Variants in CNGB1 observed in about 807,000 individuals in gnomAD.
The protein encoded by CNGB1 is cyclic nucleotide gated channel subunit beta 1, also known as cyclic nucleotide-gated channel beta-1.
Under a neutral mutation model 151.7 loss-of-function variants are expected in CNGB1, and 126 were observed. That is an observed-to-expected ratio of 0.83 (90% CI 0.72 to 0.96). The LOEUF (loss-of-function observed/expected upper bound fraction) is 0.96, where lower values mean the gene tolerates loss of function less well. CNGB1 is among the 40% of genes least tolerant of loss of function. CNGB1 has a pLI of 0.00. For missense variants in CNGB1, 1,698 were observed against 1,627.0 expected (o/e 1.04, Z -0.75); for synonymous variants, 623 against 635.1 (o/e 0.98, Z 0.29).
At chr16:57,902,587 A>C (rs1034333659) in intron 27 of CNGB1, among the ~76,000 whole-genome samples, 3 of 151,416 alleles carry the variant, frequency 2.0e-5, no homozygotes, top group African/African-American at 7.3e-5. Flanking sequence ...GATTACAGGC[A>C]TGAGCCACCG....
intron 23 of CNGB1, among the ~76,000 whole-genome samples, chr16:57,914,473 G>A (rs1051370906): frequency 6.6e-6 from 1 of 152,170 alleles, no homozygotes; most frequent in Admixed American, 6.5e-5. Flanking sequence ...GTTTCTCTGG[G>A]TTGTTCATGT....
At chr16:57,956,966 C>T (rs1962102679) in intron 12 of CNGB1, among the ~76,000 whole-genome samples, 1 of 152,170 alleles carries the variant, frequency 6.6e-6, no homozygotes, top group Admixed American at 6.5e-5. Context: ...AGACCCCACC[C>T]CTCTCCCTTC....
chr16:57,960,649 T>C (rs749940530), intron 8 of CNGB1, 119 bp from the exon 9 acceptor site: 12 of 1,375,812 alleles, frequency 8.7e-6, no homozygotes, highest in Non-Finnish European at 1.2e-5. Flanking sequence ...GGGTGGGGGG[T>C]GTCTCTCCTT....
At chr16:57,898,569 C>T (rs1202886809) in intron 29 of CNGB1, among the ~76,000 whole-genome samples, 4 of 152,124 alleles carry the variant, frequency 2.6e-5, no homozygotes, top group Admixed American at 6.5e-5. Context: ...GCATGTGCCA[C>T]CATGCCCGGC....
At chr16:57,951,243 A>G (rs991035410) in intron 12 of CNGB1, among the ~76,000 whole-genome samples, 6 of 152,184 alleles carry the variant, frequency 3.9e-5, no homozygotes, top group African/African-American at 1.4e-4. Context: ...CAGGAACCTA[A>G]GCCTACCCCC....
chr16:57,899,597 G>A (rs1454749424), intron 29 of CNGB1, among the ~76,000 whole-genome samples: 1 of 152,132 alleles, frequency 6.6e-6, no homozygotes, highest in East Asian at 1.9e-4. Flanking sequence ...CCGAGATAGT[G>A]CCACTGCACT....
chr16:57,963,068 C>T lies in CNGB1; in HGVS notation c.291-4G>A, dbSNP rs746431824. 8.1e-6 allele frequency: 13 copies of T among 1,608,748 alleles called. No homozygotes were observed. The highest frequency in any genetic ancestry group is 3.3e-5 in the Admixed American group (2 of 60,000). On this transcript the variant is annotated splice_polypyrimidine_tract_variant and splice_region_variant and intron_variant, in intron 4 of 32. Transcript: ENST00000251102. ...GGTCAGTACCCTGCGGCTGGGACTG[C>T]GATGGACAGAGACACCAGCCCGCCC...
chr16:57,928,330 A>G (rs889634894), intron 17 of CNGB1, among the ~76,000 whole-genome samples: 1 of 152,244 alleles, frequency 6.6e-6, no homozygotes, highest in Admixed American at 6.5e-5. Flanking sequence ...ACACGTGATC[A>G]TGGTGCCATT....
chr16:57,911,907 G>A (rs746004352), intron 24 of CNGB1, 32 bp from the exon 25 acceptor site: 32 of 1,610,852 alleles, frequency 2.0e-5, no homozygotes, highest in African/African-American at 5.3e-5. Context: ...TGAACACAGC[G>A]GCGGAAGGGG....
At position 57,923,370 on chromosome 16, in the gene CNGB1, G is replaced by A; in HGVS notation, c.1546C>T (p.Pro516Ser). 6.2e-7 allele frequency: 1 copy of A among 1,612,924 alleles called. No homozygotes were observed. Among genetic ancestry groups the A allele is most frequent in the Non-Finnish European group, 8.5e-7 (1 of 1,179,558 alleles). The change falls in exon 18 of 33, where the codon CCC (proline) becomes TCC (serine). Residue 516 changes from proline to serine, a missense_variant. Pro to Ser is a moderately conservative substitution (Grantham distance 74). Coordinates refer to ENST00000251102, the MANE Select transcript of CNGB1 (RefSeq NM_001297.5). ...SASGTHRKKL[P>S]SEDDEAEELK... ...TCTTCAGCCTCATCATCCTCAGAGG[G>A]CAGCTTCTTCCTGCAAAGACACAGA...
Position 57,887,267 on chromosome 16 carries a change from C to T in CNGB1, c.3462+588G>A, listed in dbSNP as rs1200869450. ...GGGGCCGGACATTTGCTTCTCATAC[C>T]CTCTCCTCTAACCTCTGCAACAGTA... On this transcript the variant is annotated intron_variant, in intron 32 of 32. Transcript: ENST00000251102. Among the ~76,000 whole-genome samples the T allele has an allele frequency of 2.6e-5, 4 of 151,954 alleles. No individual in the cohort carries two copies. In the East Asian group the frequency reaches 5.8e-4, roughly 22 times the overall value.
intron 16 of CNGB1, among the ~76,000 whole-genome samples, chr16:57,937,764 AGT>A (rs1961551544): frequency 6.6e-6 from 1 of 152,326 alleles, no homozygotes; most frequent in South Asian, 2.1e-4. Context: ...AACCAGAAGC[AGT>A]AACTCTTCCT....
Position 57,884,147 on chromosome 16 carries a change from AT to A in CNGB1, c.*16del, listed in dbSNP as rs1728176302. On this transcript the variant is annotated 3_prime_UTR_variant, in exon 33 of 33. Transcript: ENST00000251102. ...CACACCTGCTGGAACTGCGCGCGGGATCCGCCTCACCCCACCTTACTCCGCC... is the reference window on the plus strand; with the variant it reads ...CACACCTGCTGGAACTGCGCGCGGGACCGCCTCACCCCACCTTACTCCGCC... 1.2e-6 allele frequency: 2 copies of A among 1,613,828 alleles called. No individual in the cohort carries two copies. Among genetic ancestry groups the A allele is most frequent in the Non-Finnish European group, 1.7e-6 (2 of 1,179,850 alleles).
At chr16:57,923,215 C>G (rs1005804472) in intron 18 of CNGB1, 58 bp downstream of exon 18, 3 of 1,308,174 alleles carry the variant, frequency 2.3e-6, no homozygotes, top group Admixed American at 3.6e-5. Flanking sequence ...CTAGCCCCCC[C>G]ACATCCCCCA....
Position 57,962,596 on chromosome 16 carries a change from G to A in CNGB1, c.427C>T (p.Pro143Ser), listed in dbSNP as rs1313609373. 1 of 1,614,034 alleles carries A rather than the reference G, an allele frequency of 6.2e-7. No individual in the cohort carries two copies. The highest frequency in any genetic ancestry group is 1.1e-5 in the South Asian group (1 of 91,086). The change falls in exon 7 of 33, where the codon CCC becomes TCC. Residue 143 changes from proline to serine, a missense_variant. Physicochemically the swap from Pro to Ser is moderately conservative, Grantham distance 74 (BLOSUM62 -1). Coordinates refer to ENST00000251102, the MANE Select transcript of CNGB1 (RefSeq NM_001297.5). ...TCTTGGGCCTCAAGGGCCTCATTGG[G>A]TTCATCTGTGCACCCTGCAGGGTCA... ...STGDTGCTDEPNEALEAQDTR... is the reference protein window; with the variant it reads ...STGDTGCTDESNEALEAQDTR...
At chr16:57,968,269 G>A (rs548132377) in intron 1 of CNGB1, among the ~76,000 whole-genome samples, 1 of 152,270 alleles carries the variant, frequency 6.6e-6, no homozygotes, top group East Asian at 1.9e-4. Context: ...AGGCTGAGGT[G>A]GGTGGATCAC....
chr16:57,886,421 C>T (rs1285341960), intron 32 of CNGB1, among the ~76,000 whole-genome samples: 1 of 152,230 alleles, frequency 6.6e-6, no homozygotes, highest in Non-Finnish European at 1.5e-5. Context: ...TGAAGACCCC[C>T]ACTTGCCAGC....
Position 57,959,958 on chromosome 16 carries a change from G to A in CNGB1, c.691C>T (p.Pro231Ser). Reference sequence around the variant, plus strand: ...GAGCCGGGCTGGGGCTCTGGAGCTGGTGCCTCCTTGGGTTCCTCCTTGGGC... The same window carrying A: ...GAGCCGGGCTGGGGCTCTGGAGCTGATGCCTCCTTGGGTTCCTCCTTGGGC... ...LQPKEEPKEAPAPEPQPGSQA... is the reference protein window; with the variant it reads ...LQPKEEPKEASAPEPQPGSQA... The change falls in exon 10 of 33, where the codon CCA becomes TCA. Residue 231 changes from proline to serine, a missense_variant. Pro to Ser is a moderately conservative substitution (Grantham distance 74). Coordinates refer to ENST00000251102, the MANE Select transcript of CNGB1 (RefSeq NM_001297.5). The A allele has an allele frequency of 6.3e-7, 1 of 1,589,886 alleles. No homozygotes were observed. The highest frequency in any genetic ancestry group is 8.6e-7 in the Non-Finnish European group (1 of 1,166,876).
intron 2 of CNGB1, among the ~76,000 whole-genome samples, chr16:57,964,821 G>C (rs1401426000): frequency 3.3e-5 from 5 of 152,290 alleles, no homozygotes; most frequent in African/African-American, 1.2e-4. Context: ...ATCCCCAGGA[G>C]GCTGCCCCAC....
Sources: gnomAD v4.1 joint callset for allele counts (sites outside exome capture counted in the v4.1 genomes callset) on GRCh38, gnomAD v4.1.1 for gene constraint, MANE v1.5 for transcripts, NCBI Gene and HGNC (gene_info 2026-07-23, HGNC 2026-07-21) for gene names.